The following PSMG4 variants were observed in gnomAD, a reference collection of about 807,000 sequenced individuals.
PSMG4 encodes proteasome (prosome, macropain) assembly chaperone 4.
A neutral mutation model predicts 11.0 loss-of-function variants in PSMG4; 10 were observed. That is an observed-to-expected ratio of 0.91 (90% CI 0.56 to 1.54). The LOEUF is 1.54. Ranked by LOEUF, PSMG4 falls within the 40% of genes most tolerant of loss-of-function variation. PSMG4 has a pLI of 0.00. For missense variants in PSMG4, 198 were observed against 160.9 expected (o/e 1.23, Z -1.25); for synonymous variants, 95 against 71.3 (o/e 1.33, Z -1.68).
intron 2 of PSMG4, chr6:3,264,293 T>C (rs4959789): frequency 0.79 from 1,221,411 of 1,550,636 alleles, 490,420 homozygotes; most frequent in Non-Finnish European, 0.83. Flanking sequence ...TGCTCCACTC[T>C]TCCCACACCC....
At chr6:3,254,685 C>G (rs140289557), upstream of PSMG4, among the ~76,000 whole-genome samples, 1 of 152,082 alleles carries the variant, frequency 6.6e-6, no homozygotes, top group South Asian at 2.1e-4. Context: ...CCACTAAACT[C>G]AACAGAAAGA....
chr6:3,254,936 T>A (rs1022473055), upstream of PSMG4: 2 of 1,190,466 alleles, frequency 1.7e-6, no homozygotes, highest in Non-Finnish European at 1.2e-6. Context: ...ATTCTCTCAC[T>A]GGGTGTCAGC....
intron 2 of PSMG4, chr6:3,264,290 C>T (rs1179073885): frequency 6.4e-7 from 1 of 1,550,924 alleles, no homozygotes; most frequent in South Asian, 1.2e-5. Flanking sequence ...GAATGCTCCA[C>T]TCTTCCCACA....
chr6:3,259,328 G>A (rs946076921), intron 1 of PSMG4, 132 bp downstream of exon 1: 4 of 862,982 alleles, frequency 4.6e-6, no homozygotes, highest in Non-Finnish European at 4.6e-6. Context: ...CCACCCGTGG[G>A]ATGTCTTAGG....
At position 3,267,645 on chromosome 6, in the gene PSMG4, G is replaced by GTAAC. The variant is rs1758249097; in HGVS notation, c.307_310dup (p.Phe104Ter). 6.4e-7 allele frequency: 1 copy of GTAAC among 1,552,042 alleles called. No individual in the cohort carries two copies. Among genetic ancestry groups the GTAAC allele is most frequent in the Non-Finnish European group, 8.7e-7 (1 of 1,147,032 alleles). On this transcript the variant is annotated frameshift_variant, in exon 3 of 3. Coordinates refer to ENST00000438998, the MANE Select transcript of PSMG4 (RefSeq NM_001128591.2). LOFTEE classifies it high-confidence loss of function. ...AGCTATAACCTTCAGAACACAGACAGTAACTTCGCATTACTTGTAGAAAAC... is the reference window on the plus strand; with the variant it reads ...AGCTATAACCTTCAGAACACAGACAGTAACTAACTTCGCATTACTTGTAGAAAAC...
At chr6:3,254,913 T>C (rs1165943662), upstream of PSMG4, 4 of 912,692 alleles carry the variant, frequency 4.4e-6, no homozygotes, top group Non-Finnish European at 3.3e-6. Context: ...ATCTCTGAGC[T>C]GGTGCTTCAG....
upstream of PSMG4, among the ~76,000 whole-genome samples, chr6:3,255,614 G>C (rs1479473461): frequency 6.6e-6 from 1 of 152,208 alleles, no homozygotes; most frequent in Non-Finnish European, 1.5e-5. Context: ...CAGAAGTGCA[G>C]CTGTCATCTA....
chr6:3,261,195 T>C (rs1423175910), intron 1 of PSMG4, among the ~76,000 whole-genome samples: 6 of 151,858 alleles, frequency 4.0e-5, no homozygotes, highest in African/African-American at 1.5e-4. Context: ...GGGAAGGAGA[T>C]GGCATCTGGA....
At chr6:3,260,608 C>G (rs1484020748) in intron 1 of PSMG4, among the ~76,000 whole-genome samples, 2 of 152,042 alleles carry the variant, frequency 1.3e-5, no homozygotes, top group South Asian at 4.2e-4. Context: ...CCTAAAGTGC[C>G]GGGATTATAG....
Position 3,263,755 on chromosome 6 carries a change from C to G in PSMG4, c.246C>G (p.Arg82=). The change falls in exon 2 of 3, where the codon CGC becomes CGG. Residue 82 remains arginine, a synonymous_variant. Coordinates refer to ENST00000438998, the MANE Select transcript of PSMG4 (RefSeq NM_001128591.2). ...CGACCTCTACTGGCCTTGCCCAGCG[C>G]CTAGGTATGTACCCACAGCTGGCGC... ...SDTTSTGLAQ[R]LARKTNKQVF... The G allele has an allele frequency of 6.4e-7, 1 of 1,551,428 alleles. No individual in the cohort carries two copies. Among genetic ancestry groups the G allele is most frequent in the Admixed American group, 2.0e-5 (1 of 50,974 alleles).
upstream of PSMG4, among the ~76,000 whole-genome samples, chr6:3,254,870 G>A (rs898418811): frequency 1.3e-5 from 2 of 152,120 alleles, no homozygotes; most frequent in Admixed American, 6.5e-5. Context: ...AACATGAGAT[G>A]CTGGAGGGTG....
chr6:3,254,447 T>C (rs1264788330), upstream of PSMG4, among the ~76,000 whole-genome samples: 1 of 69,054 alleles, frequency 1.4e-5, no homozygotes, highest in Non-Finnish European at 4.8e-5. Context: ...GTAATAGTTT[T>C]CTGCTTTTTT....
upstream of PSMG4, among the ~76,000 whole-genome samples, chr6:3,254,462 T>G (rs1436433961): frequency 2.0e-5 from 3 of 151,656 alleles, no homozygotes; most frequent in Non-Finnish European, 2.9e-5. Context: ...TTTTTTTGTG[T>G]GTCTTTTTAG....
chr6:3,257,375 A>G (rs906956319), upstream of PSMG4, among the ~76,000 whole-genome samples: 6 of 152,200 alleles, frequency 3.9e-5, no homozygotes. Context: ...TGAGACATGT[A>G]TAACCAGTGA....
chr6:3,260,291 A>ATATATATATATATATATATATATTTTTT, intron 1 of PSMG4, among the ~76,000 whole-genome samples: 1 of 70,842 alleles, frequency 1.4e-5, no homozygotes, highest in African/African-American at 5.5e-5. Context: ...ATATATATAT[A>ATATATATATATATATATATATATTTTTT]TTTTTTTTTT....
chr6:3,258,126 CTG>C (rs1206200704), upstream of PSMG4, among the ~76,000 whole-genome samples: 7 of 152,032 alleles, frequency 4.6e-5, no homozygotes, highest in South Asian at 6.3e-4. Flanking sequence ...TTTCTCAACT[CTG>C]TAATGTCCTG....
chr6:3,255,436 C>G (rs375900379), upstream of PSMG4, among the ~76,000 whole-genome samples: 1 of 130,920 alleles, frequency 7.6e-6, no homozygotes, highest in Non-Finnish European at 1.8e-5. Flanking sequence ...CAGCCACATG[C>G]CCCTTCTCAG....
At chr6:3,263,660 G>A (rs1758076985) in intron 1 of PSMG4, 24 bp from the exon 2 acceptor site, 3 of 1,522,528 alleles carry the variant, frequency 2.0e-6, no homozygotes, top group Non-Finnish European at 2.6e-6. Flanking sequence ...AGAAGCTGCA[G>A]TGTGCCCTTT....
upstream of PSMG4, among the ~76,000 whole-genome samples, chr6:3,255,384 G>C (rs1230371273): frequency 6.6e-6 from 1 of 152,168 alleles, no homozygotes; most frequent in Admixed American, 6.5e-5. Flanking sequence ...GATGTTTGTT[G>C]AGTGATAACA....
Sources: gnomAD v4.1 joint callset for allele counts (sites outside exome capture counted in the v4.1 genomes callset) on GRCh38, gnomAD v4.1.1 for gene constraint, MANE v1.5 for transcripts, NCBI Gene and HGNC (gene_info 2026-07-23, HGNC 2026-07-21) for gene names.